Variants in COL19A1 observed in about 807,000 individuals in gnomAD.
The protein encoded by COL19A1 is collagen type XIX alpha 1 chain, also known as collagen alpha-1(XIX) chain.
Under a neutral mutation model 190.2 loss-of-function variants are expected in COL19A1, and 159 were observed. The ratio of observed to expected loss-of-function variants is 0.84; its 90% CI spans 0.73 to 0.95. COL19A1 has a LOEUF of 0.95. Among genes scored for constraint, COL19A1 ranks in the 40% least tolerant of loss-of-function variants. COL19A1 has a pLI of 0.00. For missense variants in COL19A1, 1,418 were observed against 1,431.9 expected (o/e 0.99, Z 0.16); for synonymous variants, 509 against 458.9 (o/e 1.11, Z -1.39).
intron 15 of COL19A1, among the ~76,000 whole-genome samples, chr6:70,085,768 G>A (rs1782548906): frequency 6.6e-6 from 1 of 151,966 alleles, no homozygotes; most frequent in Non-Finnish European, 1.5e-5. Context: ...AAAGCTCTAA[G>A]AAACTGGTAC....
chr6:70,029,750 T>C (rs1382004377), intron 12 of COL19A1, among the ~76,000 whole-genome samples: 1 of 152,188 alleles, frequency 6.6e-6, no homozygotes, highest in Non-Finnish European at 1.5e-5. Context: ...GCTTGACAAA[T>C]GCAGTACTTC....
intron 9 of COL19A1, among the ~76,000 whole-genome samples, chr6:69,956,923 T>C (rs964941785): frequency 6.6e-6 from 1 of 152,060 alleles, no homozygotes; most frequent in African/African-American, 2.4e-5. Flanking sequence ...ATCTCGGACA[T>C]TTTAATCAAA....
At chr6:70,162,782 T>C (rs890620084) in intron 35 of COL19A1, among the ~76,000 whole-genome samples, 1 of 152,188 alleles carries the variant, frequency 6.6e-6, no homozygotes, top group Non-Finnish European at 1.5e-5. Context: ...GTTGTGTCAT[T>C]TATGCTTCCG....
At chr6:70,064,668 A>G (rs1454472169) in intron 14 of COL19A1, among the ~76,000 whole-genome samples, 2 of 152,168 alleles carry the variant, frequency 1.3e-5, no homozygotes, top group Non-Finnish European at 2.9e-5. Flanking sequence ...AGGAAGTCAA[A>G]TTGTCCCTGT....
chr6:69,973,427 C>T (rs1775539214), intron 11 of COL19A1, among the ~76,000 whole-genome samples: 1 of 152,112 alleles, frequency 6.6e-6, no homozygotes, highest in African/African-American at 2.4e-5. Context: ...CTTCAGGTTA[C>T]TTTCTTTCAT....
At chr6:69,963,911 T>A (rs903275073) in intron 11 of COL19A1, among the ~76,000 whole-genome samples, 7 of 152,260 alleles carry the variant, frequency 4.6e-5, no homozygotes, top group Non-Finnish European at 1.5e-5. Context: ...AATAGAATGC[T>A]TGGTCATCCA....
chr6:69,984,136 T>A (rs1776191234), intron 11 of COL19A1, among the ~76,000 whole-genome samples: 1 of 152,142 alleles, frequency 6.6e-6, no homozygotes, highest in East Asian at 1.9e-4. Flanking sequence ...TTTTGATTGC[T>A]TTGTTTATGT....
intron 4 of COL19A1, among the ~76,000 whole-genome samples, chr6:69,926,119 C>T (rs1296083325): frequency 6.6e-6 from 1 of 152,138 alleles, no homozygotes; most frequent in Non-Finnish European, 1.5e-5. Context: ...ACTTCCAACA[C>T]TATGTTGAAT....
chr6:70,009,632 G>A (rs1777859053), intron 11 of COL19A1, among the ~76,000 whole-genome samples: 1 of 148,204 alleles, frequency 6.7e-6, no homozygotes, highest in Admixed American at 6.6e-5. Flanking sequence ...ACCTGGTATA[G>A]CCAAAATGAT....
chr6:70,156,373 A>C lies in COL19A1; in HGVS notation c.2238+4A>C. 3 of 1,613,220 alleles carry C rather than the reference A, an allele frequency of 1.9e-6. No homozygotes were observed. Among genetic ancestry groups the C allele is most frequent in the Non-Finnish European group, 2.5e-6 (3 of 1,179,510 alleles). ...CCCAGGAAGAGAGGGACCAAAGGTA[A>C]GAAATTCTCTCCTCCACTTTCCCCT... On this transcript the variant is annotated splice_donor_region_variant and intron_variant, in intron 33 of 50. Coordinates refer to ENST00000620364, the MANE Select transcript of COL19A1 (RefSeq NM_001858.6).
chr6:69,986,016 AACC>A (rs564360598), intron 11 of COL19A1, among the ~76,000 whole-genome samples: 104 of 152,154 alleles, frequency 6.8e-4, no homozygotes, highest in African/African-American at 2.3e-3. Context: ...TTGCTTCAGT[AACC>A]TAGAATTTGA....
At chr6:70,136,146 G>A (rs1785854154) in intron 18 of COL19A1, among the ~76,000 whole-genome samples, 1 of 152,102 alleles carries the variant, frequency 6.6e-6, no homozygotes, top group Non-Finnish European at 1.5e-5. Context: ...CATAAATCTA[G>A]AAGACTAATT....
chr6:70,135,230 A>G (rs191061440), intron 18 of COL19A1, among the ~76,000 whole-genome samples: 2 of 152,266 alleles, frequency 1.3e-5, no homozygotes, highest in Admixed American at 6.5e-5. Context: ...CTTCAGCTCT[A>G]CAGAAGCTCT....
At chr6:70,070,330 C>T (rs1206836231) in intron 15 of COL19A1, among the ~76,000 whole-genome samples, 4 of 152,056 alleles carry the variant, frequency 2.6e-5, no homozygotes, top group African/African-American at 9.7e-5. Flanking sequence ...AGTTCAACCA[C>T]TATTTTATGT....
intron 12 of COL19A1, among the ~76,000 whole-genome samples, chr6:70,032,270 A>G (rs1395401492): frequency 1.3e-5 from 2 of 152,196 alleles, no homozygotes; most frequent in African/African-American, 4.8e-5. Context: ...CTCTCTAAAC[A>G]TACTTAGCAA....
intron 4 of COL19A1, among the ~76,000 whole-genome samples, chr6:69,919,061 CA>C (rs1279714854): frequency 1.3e-5 from 2 of 152,162 alleles, no homozygotes; most frequent in Non-Finnish European, 2.9e-5. Flanking sequence ...ACTTTCCTCC[CA>C]AACTCCCACT....
At position 70,207,206 on chromosome 6, in the gene COL19A1, G is replaced by A; in HGVS notation, c.3361G>A (p.Gly1121Arg). The A allele has an allele frequency of 3.1e-6, 5 of 1,613,916 alleles. No homozygotes were observed. Among genetic ancestry groups the A allele is most frequent in the Non-Finnish European group, 3.4e-6 (4 of 1,179,912 alleles). The stretch of plus-strand genomic sequence containing the variant: ...CCCACAGGGCCCCCCAGGACCCAGT[G>A]GAAGATGTAACCCAGAAGATTGCCT... Reference protein sequence around the residue: ...PGPQGPPGPSGRCNPEDCLYP... With the variant: ...PGPQGPPGPSRRCNPEDCLYP... The change falls in exon 51 of 51, where the codon GGA becomes AGA. Residue 1121 changes from glycine (G) to arginine (R), a missense_variant. Physicochemically the swap from Gly to Arg is moderately radical, Grantham distance 125 (BLOSUM62 -2). Transcript: ENST00000620364.
intron 11 of COL19A1, among the ~76,000 whole-genome samples, chr6:69,987,052 C>T (rs1776351882): frequency 6.6e-6 from 1 of 152,146 alleles, no homozygotes; most frequent in African/African-American, 2.4e-5. Flanking sequence ...TCCCGAGTAG[C>T]TGGGACTACA....
rs1767911077 is a variant in COL19A1 at position 70,206,979 on chromosome 6, G to A, written c.3301+1G>A. On this transcript the variant is annotated splice_donor_variant, in intron 50 of 50. Coordinates refer to ENST00000620364, the MANE Select transcript of COL19A1 (RefSeq NM_001858.6). LOFTEE classifies it high-confidence loss of function. ...AGTCCAGGTCTTCCTGGGACTTCAG[G>A]TAAGTGGGATATTGTCTTCACAACA... is the stretch of plus-strand genomic sequence containing the variant. 2 of 1,613,338 alleles carry A rather than the reference G, an allele frequency of 1.2e-6. No individual in the cohort carries two copies. Among genetic ancestry groups the A allele is most frequent in the Admixed American group, 1.7e-5 (1 of 59,836 alleles).
Sources: allele counts gnomAD v4.1 joint callset (sites outside exome capture counted in the v4.1 genomes callset), GRCh38; gene constraint gnomAD v4.1.1; transcripts MANE v1.5; gene names NCBI Gene and HGNC (gene_info 2026-07-23, HGNC 2026-07-21).